The following PCDHB4 variants were observed in gnomAD, a reference collection of about 807,000 sequenced individuals.
PCDHB4 encodes the protein protocadherin beta 4.
For synonymous variants in PCDHB4, 482 were observed against 447.3 expected (o/e 1.08, Z -0.98); for missense variants, 1,063 against 1,007.0 (o/e 1.06, Z -0.75).
chr5:141,123,616 T>C lies in PCDHB4; in HGVS notation c.1618T>C (p.Leu540=). 4 of 1,612,084 alleles carry C rather than the reference T, an allele frequency of 2.5e-6. No homozygotes were observed. The highest frequency in any genetic ancestry group is 3.4e-6 in the Non-Finnish European group (4 of 1,179,778). Reference sequence around the variant, plus strand: ...CGCCTCAGACCGCGGTTCTCCGGCTTTGAGCAGCGAGGCGCTGGTGCGCGT... The same window carrying C: ...CGCCTCAGACCGCGGTTCTCCGGCTCTGAGCAGCGAGGCGCTGGTGCGCGT... ...VGASDRGSPA[L]SSEALVRVLV... Residue 540 remains leucine, a synonymous_variant, in exon 1 of 1, where the codon TTG becomes CTG. Transcript: ENST00000194152.
chr5:141,122,340 A>G lies in PCDHB4; in HGVS notation c.342A>G (p.Gln114=), dbSNP rs782041092. 5 of 1,614,012 alleles carry G rather than the reference A, an allele frequency of 3.1e-6. No homozygotes were observed. The highest frequency in any genetic ancestry group is 3.4e-6 in the Non-Finnish European group (4 of 1,180,014). ...HFQVFLEMPV[Q]FFQGELLIQD... The stretch of plus-strand genomic sequence containing the variant: ...AAGTGTTCCTGGAAATGCCGGTGCA[A>G]TTTTTTCAAGGAGAATTATTGATCC... The change falls in exon 1 of 1, where the codon CAA becomes CAG. Residue 114 remains glutamine, a synonymous_variant. Transcript: ENST00000194152.
At position 141,123,845 on chromosome 5, in the gene PCDHB4, T is replaced by C; in HGVS notation, c.1847T>C (p.Val616Ala). 6.2e-7 allele frequency: 1 copy of C among 1,608,790 alleles called. No individual in the cohort carries two copies. Among genetic ancestry groups the C allele is most frequent in the Non-Finnish European group, 8.5e-7 (1 of 1,179,678 alleles). Reference sequence around the variant, plus strand: ...GCCACGGAGCCTGGGCTGTTCGGCGTGTGGGCGCACAATGGCGAGGTGCGC... The same window carrying C: ...GCCACGGAGCCTGGGCTGTTCGGCGCGTGGGCGCACAATGGCGAGGTGCGC... ...LKATEPGLFG[V>A]WAHNGEVRTA... Residue 616 changes from valine (V) to alanine (A), a missense_variant, in exon 1 of 1, where the codon GTG (valine) becomes GCG (alanine). Coordinates refer to ENST00000194152, the MANE Select transcript of PCDHB4 (RefSeq NM_018938.4).
At position 141,124,088 on chromosome 5, in the gene PCDHB4, C is replaced by A. The variant is rs782611297; in HGVS notation, c.2090C>A (p.Ser697Ter). Residue 697 changes from serine to a stop codon, truncating the protein, a stop_gained, in exon 1 of 1, where the codon TCG (serine) becomes TAG (stop). Transcript: ENST00000194152. LOFTEE classifies it low-confidence loss of function (END_TRUNC). ...VYLVVALASV[S>*]SLFLFSVLLF... Reference sequence around the variant, plus strand: ...CTGGTGGTGGCGTTGGCCTCGGTGTCGTCGCTCTTCCTCTTCTCGGTGCTC... The same window carrying A: ...CTGGTGGTGGCGTTGGCCTCGGTGTAGTCGCTCTTCCTCTTCTCGGTGCTC... 1.9e-6 allele frequency: 3 copies of A among 1,608,436 alleles called. No homozygotes were observed. The highest frequency in any genetic ancestry group is 1.1e-5 in the South Asian group (1 of 91,002).
rs1213168420 is a variant in PCDHB4 at position 141,122,603 on chromosome 5, A to G, written c.605A>G (p.Glu202Gly). 1 of 1,614,230 alleles carries G rather than the reference A, an allele frequency of 6.2e-7. No individual in the cohort carries two copies. The highest frequency in any genetic ancestry group is 2.2e-5 in the East Asian group (1 of 44,876). ...DLVQDKPLDR[E>G]EQPEFSLTLV... ...GTGCAGGACAAACCACTGGATCGAG[A>G]GGAGCAGCCTGAGTTCAGCTTAACC... is the stretch of plus-strand genomic sequence containing the variant. The change falls in exon 1 of 1, where the codon GAG (glutamate) becomes GGG (glycine). Residue 202 changes from glutamate (E) to glycine (G), a missense_variant. Coordinates refer to ENST00000194152, the MANE Select transcript of PCDHB4 (RefSeq NM_018938.4).
In PCDHB4 at chr5:141,123,012, T is replaced by C; in HGVS notation, c.1014T>C (p.Asp338=). 1 of 1,614,032 alleles carries C rather than the reference T, an allele frequency of 6.2e-7. No homozygotes were observed. Among genetic ancestry groups the C allele is most frequent in the Non-Finnish European group, 8.5e-7 (1 of 1,179,984 alleles). Reference sequence around the variant, plus strand: ...GCACTGTAGTCATAGAGGTGGTGGATGTGAATGACAATCCCCCAGAACTTA... The same window carrying C: ...GCACTGTAGTCATAGAGGTGGTGGACGTGAATGACAATCCCCCAGAACTTA... ...GKGTVVIEVV[D]VNDNPPELII... is the part of the protein sequence containing the mutation. The change falls in exon 1 of 1, where the codon GAT becomes GAC. Residue 338 remains aspartate (D), a synonymous_variant. Transcript: ENST00000194152.
rs1554274486 is a variant in PCDHB4 at position 141,123,152 on chromosome 5, C to T, written c.1154C>T (p.Pro385Leu). The T allele has an allele frequency of 6.2e-7, 1 of 1,614,086 alleles. No homozygotes were observed. The highest frequency in any genetic ancestry group is 2.2e-5 in the East Asian group (1 of 44,876). The change falls in exon 1 of 1, where the codon CCA (proline) becomes CTA (leucine). Residue 385 changes from proline (P) to leucine (L), a missense_variant. Physicochemically the swap from Pro to Leu is moderately conservative, Grantham distance 98. Coordinates refer to ENST00000194152, the MANE Select transcript of PCDHB4 (RefSeq NM_018938.4). Reference protein sequence around the residue: ...GENGKMICSIPDNLPFILKPT... With the variant: ...GENGKMICSILDNLPFILKPT... ...AATGGAAAGATGATTTGCTCTATTC[C>T]AGATAATCTACCGTTTATTCTAAAA...
Position 141,122,526 on chromosome 5 carries a change from T to C in PCDHB4, c.528T>C (p.His176=), listed in dbSNP as rs1554274366. The C allele has an allele frequency of 4.3e-6, 7 of 1,614,228 alleles. No individual in the cohort carries two copies. Among genetic ancestry groups the C allele is most frequent in the Non-Finnish European group, 5.9e-6 (7 of 1,180,042 alleles). Reference sequence around the variant, plus strand: ...AATACACAATCAGCCCCAATTCTCATTTTCACATTCTCACTCGAAATCATA... The same window carrying C: ...AATACACAATCAGCCCCAATTCTCACTTTCACATTCTCACTCGAAATCATA... ...LQKYTISPNS[H]FHILTRNHSE... is the part of the protein sequence containing the mutation. Residue 176 remains histidine (H), a synonymous_variant, in exon 1 of 1, where the codon CAT becomes CAC. Coordinates refer to ENST00000194152, the MANE Select transcript of PCDHB4 (RefSeq NM_018938.4).
rs781798710 is a variant in PCDHB4, at chr5:141,123,879, G to C, written c.1881G>C (p.Arg627Ser). The C allele has an allele frequency of 3.7e-6, 6 of 1,607,096 alleles. No homozygotes were observed. In the East Asian group the frequency reaches 1.3e-4, roughly 36 times the overall value. ...WAHNGEVRTA[R>S]LLSERDAAKH... ...ACAATGGCGAGGTGCGCACCGCCAG[G>C]CTGCTGAGCGAGCGCGACGCAGCCA... Residue 627 changes from arginine (R) to serine (S), a missense_variant, in exon 1 of 1, where the codon AGG becomes AGC. By Grantham distance (110) the Arg-to-Ser change is moderately radical. Coordinates refer to ENST00000194152, the MANE Select transcript of PCDHB4 (RefSeq NM_018938.4).
chr5:141,122,584 G>A lies in PCDHB4; in HGVS notation c.586G>A (p.Asp196Asn), dbSNP rs372815960. The A allele has an allele frequency of 4.5e-5, 73 of 1,614,076 alleles. No individual in the cohort carries two copies. Among genetic ancestry groups the A allele is most frequent in the Middle Eastern group, 1.6e-4 (1 of 6,084 alleles). ...CAAGAAATACCCAGATTTGGTGCAG[G>A]ACAAACCACTGGATCGAGAGGAGCA... The part of the protein sequence containing the change: ...EGKKYPDLVQ[D>N]KPLDREEQPE... Residue 196 changes from aspartate to asparagine, a missense_variant, in exon 1 of 1, where the codon GAC becomes AAC. Physicochemically the swap from Asp to Asn is conservative, Grantham distance 23. Coordinates refer to ENST00000194152, the MANE Select transcript of PCDHB4 (RefSeq NM_018938.4).
In PCDHB4 at chr5:141,122,171, TGGCCTCCCGGTC is replaced by T. The variant is rs782066662; in HGVS notation, c.174_185del (p.Ser60_Ala63del). 6.2e-7 allele frequency: 1 copy of T among 1,614,186 alleles called. No homozygotes were observed. Among genetic ancestry groups the T allele is most frequent in the South Asian group, 1.1e-5 (1 of 91,068 alleles). On this transcript the variant is annotated inframe_deletion, in exon 1 of 1. Transcript: ENST00000194152. ...GATCTGGGCCTGGGAATTGGGGAAC[TGGCCTCCCGGTC>T]AGCCCGGGTGCTGTCTGACGATGAC... is the stretch of plus-strand genomic sequence containing the variant.
At position 141,123,856 on chromosome 5, in the gene PCDHB4, A is replaced by G. The variant is rs1554274648; in HGVS notation, c.1858A>G (p.Asn620Asp). Residue 620 changes from asparagine (N) to aspartate (D), a missense_variant, in exon 1 of 1, where the codon AAT (asparagine) becomes GAT (aspartate). By Grantham distance (23) the Asn-to-Asp change is conservative (BLOSUM62 1). Transcript: ENST00000194152. ...EPGLFGVWAH[N>D]GEVRTARLLS... ...TGGGCTGTTCGGCGTGTGGGCGCACAATGGCGAGGTGCGCACCGCCAGGCT... is the reference window on the plus strand; with the variant it reads ...TGGGCTGTTCGGCGTGTGGGCGCACGATGGCGAGGTGCGCACCGCCAGGCT... 1 of 1,608,304 alleles carries G rather than the reference A, an allele frequency of 6.2e-7. No homozygotes were observed. The highest frequency in any genetic ancestry group is 8.5e-7 in the Non-Finnish European group (1 of 1,179,658).
Position 141,122,481 on chromosome 5 carries a change from G to C in PCDHB4, c.483G>C (p.Val161=), listed in dbSNP as rs782318524. 1 of 1,614,208 alleles carries C rather than the reference G, an allele frequency of 6.2e-7. No homozygotes were observed. Among genetic ancestry groups the C allele is most frequent in the South Asian group, 1.1e-5 (1 of 91,078 alleles). ...FPLLIAEDLD[V]GSNGLQKYTI... is the part of the protein sequence containing the mutation. The stretch of plus-strand genomic sequence containing the variant: ...TGCTAATAGCTGAGGATTTGGATGT[G>C]GGCAGCAATGGTCTTCAAAAATACA... The change falls in exon 1 of 1, where the codon GTG becomes GTC. Residue 161 remains valine, a synonymous_variant. Coordinates refer to ENST00000194152, the MANE Select transcript of PCDHB4 (RefSeq NM_018938.4).
In PCDHB4 at chr5:141,121,901, A is replaced by G. The variant is rs1752288695; in HGVS notation, c.-98A>G. ...CTAAACAAATTTAATATTAAAAGCA[A>G]CTGTGTGACGATTCCTCCAAGCAAG... On this transcript the variant is annotated 5_prime_UTR_variant, in exon 1 of 1. Coordinates refer to ENST00000194152, the MANE Select transcript of PCDHB4 (RefSeq NM_018938.4). The G allele has an allele frequency of 1.2e-6, 1 of 823,168 alleles. No individual in the cohort carries two copies. Among genetic ancestry groups the G allele is most frequent in the Admixed American group, 2.9e-5 (1 of 35,068 alleles). 51.0% of individuals were successfully genotyped at this position (823,168 alleles called of 1,614,324 possible). A position where few individuals can be genotyped will look rare whatever the true frequency, so the allele number is the denominator to read the frequency against.
Position 141,122,936 on chromosome 5 carries a change from C to T in PCDHB4, c.938C>T (p.Ser313Phe), listed in dbSNP as rs782595472. The T allele has an allele frequency of 3.8e-5, 62 of 1,611,102 alleles. No individual in the cohort carries two copies. The highest frequency in any genetic ancestry group is 5.1e-5 in the Non-Finnish European group (60 of 1,179,200). The change falls in exon 1 of 1, where the codon TCT becomes TTT. Residue 313 changes from serine (S) to phenylalanine (F), a missense_variant. Transcript: ENST00000194152. ...AAATTGGATTTCGAAAAAATTAAAT[C>T]TTACCATGTAGAAATTGAGGCCACA... ...KKKLDFEKIK[S>F]YHVEIEATDG... is the part of the protein sequence containing the mutation.
At position 141,122,960 on chromosome 5, in the gene PCDHB4, C is replaced by A; in HGVS notation, c.962C>A (p.Thr321Lys). The change falls in exon 1 of 1, where the codon ACA (threonine) becomes AAA (lysine). Residue 321 changes from threonine to lysine, a missense_variant. Physicochemically the swap from Thr to Lys is moderately conservative, Grantham distance 78 (BLOSUM62 -1). Transcript: ENST00000194152. ...TCTTACCATGTAGAAATTGAGGCCACAGATGGAGGAGGCCTTTCTGGAAAA... is the reference window on the plus strand; with the variant it reads ...TCTTACCATGTAGAAATTGAGGCCAAAGATGGAGGAGGCCTTTCTGGAAAA... ...IKSYHVEIEA[T>K]DGGGLSGKGT... The A allele has an allele frequency of 1.2e-6, 2 of 1,612,626 alleles. No individual in the cohort carries two copies. Among genetic ancestry groups the A allele is most frequent in the Non-Finnish European group, 1.7e-6 (2 of 1,179,610 alleles).
chr5:141,123,007 G>A lies in PCDHB4; in HGVS notation c.1009G>A (p.Val337Met), dbSNP rs782708949. 6.2e-6 allele frequency: 10 copies of A among 1,614,048 alleles called. No homozygotes were observed. In the South Asian group the frequency reaches 8.8e-5, roughly 14 times the overall value. ...AAAAGGCACTGTAGTCATAGAGGTG[G>A]TGGATGTGAATGACAATCCCCCAGA... ...SGKGTVVIEV[V>M]DVNDNPPELI... The change falls in exon 1 of 1, where the codon GTG becomes ATG. Residue 337 changes from valine (V) to methionine (M), a missense_variant. By Grantham distance (21) the Val-to-Met change is conservative. Transcript: ENST00000194152.
chr5:141,122,596 G>A lies in PCDHB4; in HGVS notation c.598G>A (p.Asp200Asn), dbSNP rs1554274372. Residue 200 changes from aspartate to asparagine, a missense_variant, in exon 1 of 1, where the codon GAT becomes AAT. Coordinates refer to ENST00000194152, the MANE Select transcript of PCDHB4 (RefSeq NM_018938.4). ...YPDLVQDKPLDREEQPEFSLT... is the reference protein window; with the variant it reads ...YPDLVQDKPLNREEQPEFSLT... Reference sequence around the variant, plus strand: ...AGATTTGGTGCAGGACAAACCACTGGATCGAGAGGAGCAGCCTGAGTTCAG... The same window carrying A: ...AGATTTGGTGCAGGACAAACCACTGAATCGAGAGGAGCAGCCTGAGTTCAG... 1 of 1,614,222 alleles carries A rather than the reference G, an allele frequency of 6.2e-7. No homozygotes were observed. Among genetic ancestry groups the A allele is most frequent in the South Asian group, 1.1e-5 (1 of 91,078 alleles).
chr5:141,122,350 G>A lies in PCDHB4; in HGVS notation c.352G>A (p.Gly118Arg). Reference protein sequence around the residue: ...FLEMPVQFFQGELLIQDINDH... With the variant: ...FLEMPVQFFQRELLIQDINDH... ...GGAAATGCCGGTGCAATTTTTTCAAGGAGAATTATTGATCCAGGACATAAA... is the reference window on the plus strand; with the variant it reads ...GGAAATGCCGGTGCAATTTTTTCAAAGAGAATTATTGATCCAGGACATAAA... Residue 118 changes from glycine to arginine, a missense_variant, in exon 1 of 1, where the codon GGA (glycine) becomes AGA (arginine). Coordinates refer to ENST00000194152, the MANE Select transcript of PCDHB4 (RefSeq NM_018938.4). 6.2e-7 allele frequency: 1 copy of A among 1,614,140 alleles called. No homozygotes were observed. The highest frequency in any genetic ancestry group is 8.5e-7 in the Non-Finnish European group (1 of 1,180,020).
chr5:141,122,757 C>A lies in PCDHB4; in HGVS notation c.759C>A (p.Asn253Lys). 1 of 1,614,140 alleles carries A rather than the reference C, an allele frequency of 6.2e-7. No individual in the cohort carries two copies. Among genetic ancestry groups the A allele is most frequent in the Non-Finnish European group, 8.5e-7 (1 of 1,180,012 alleles). ...HTPYGVQVLENSPLDSPIVRV... is the reference protein window; with the variant it reads ...HTPYGVQVLEKSPLDSPIVRV... ...CATATGGGGTGCAGGTCCTGGAAAACAGCCCCCTAGACTCTCCAATTGTTA... is the reference window on the plus strand; with the variant it reads ...CATATGGGGTGCAGGTCCTGGAAAAAAGCCCCCTAGACTCTCCAATTGTTA... Residue 253 changes from asparagine to lysine, a missense_variant, in exon 1 of 1, where the codon AAC becomes AAA. Transcript: ENST00000194152.
Sources: allele counts gnomAD v4.1 joint callset, GRCh38; gene constraint gnomAD v4.1.1; transcripts MANE v1.5; gene names NCBI Gene and HGNC (gene_info 2026-07-23, HGNC 2026-07-21).